The following PTPRA variants were observed in gnomAD, a reference collection of about 807,000 sequenced individuals.
PTPRA encodes protein tyrosine phosphatase receptor type A, also known as receptor-type tyrosine-protein phosphatase alpha.
PTPRA carries 25 observed loss-of-function variants against 104.8 expected under a neutral mutation model. The ratio of observed to expected loss-of-function variants is 0.24; its 90% CI spans 0.17 to 0.33. PTPRA has a LOEUF of 0.33. PTPRA is among the 10% of genes least tolerant of loss of function. The probability of loss-of-function intolerance (pLI) is 1.00; values close to 1 mark genes in which losing one functional copy is unlikely to be tolerated. For synonymous variants in PTPRA, 323 were observed against 368.9 expected (o/e 0.88, Z 1.43); for missense variants, 765 against 1,015.3 (o/e 0.75, Z 3.35).
intron 1 of PTPRA, among the ~76,000 whole-genome samples, chr20:2,885,220 T>C (rs1452338923): frequency 6.6e-6 from 1 of 152,202 alleles, no homozygotes. Flanking sequence ...TTGTTTTTTT[T>C]AACTGTAGCC....
At chr20:3,023,392 A>G (rs918501826) in intron 16 of PTPRA, among the ~76,000 whole-genome samples, 11 of 152,166 alleles carry the variant, frequency 7.2e-5, no homozygotes, top group African/African-American at 2.7e-4. Context: ...GATAAGAGGA[A>G]GGCATCTGTC....
chr20:3,015,812 T>C (rs774910444), intron 11 of PTPRA, 37 bp from the exon 12 acceptor site: 1 of 1,512,006 alleles, frequency 6.6e-7, no homozygotes, highest in South Asian at 1.1e-5. Flanking sequence ...TCATTTTTGG[T>C]TTTCTCTTTC....
chr20:2,954,724 T>C (rs912412643), intron 3 of PTPRA, among the ~76,000 whole-genome samples: 1 of 152,200 alleles, frequency 6.6e-6, no homozygotes, highest in African/African-American at 2.4e-5. Context: ...AGTCTGTGTT[T>C]TGTTTTGTTG....
At position 2,910,920 on chromosome 20, in the gene PTPRA, C is replaced by CTTT. The variant is rs11473733; in HGVS notation, c.-128-12273_-128-12271dup. ...GCACCCGGCCTACTTTTTATTTTAA[C>CTTT]TTTTTTTTTTTTTTTTGTAGAGATG... is the stretch of plus-strand genomic sequence containing the variant. On this transcript the variant is annotated intron_variant, in intron 1 of 23. Transcript: ENST00000399903. 1.8e-3 allele frequency among the ~76,000 whole-genome samples: 240 copies of CTTT among 131,202 alleles called. 5 individuals carry two copies. In the Middle Eastern group the frequency reaches 0.025, roughly 14 times the overall value. The allele number at this position is 131,202 out of a possible 152,430, so 86.1% of individuals were successfully genotyped here.
intron 5 of PTPRA, among the ~76,000 whole-genome samples, chr20:2,966,142 C>T (rs1279715149): frequency 6.6e-6 from 1 of 152,184 alleles, no homozygotes; most frequent in Admixed American, 6.5e-5. Flanking sequence ...TTTACTGCGC[C>T]TTATAACTCA....
chr20:2,958,664 A>T, intron 3 of PTPRA, among the ~76,000 whole-genome samples: 1 of 101,868 alleles, frequency 9.8e-6, no homozygotes, highest in East Asian at 2.3e-4. Flanking sequence ...CTACTAAAAA[A>T]AAAAAAAAAA....
At chr20:2,909,576 T>C (rs2147189409) in intron 1 of PTPRA, among the ~76,000 whole-genome samples, 1 of 151,252 alleles carries the variant, frequency 6.6e-6, no homozygotes. Flanking sequence ...TGAGACTCCA[T>C]CTCCAAAAAA....
intron 3 of PTPRA, among the ~76,000 whole-genome samples, chr20:2,948,707 T>TGTG (rs1185889232): frequency 2.6e-4 from 39 of 151,982 alleles, no homozygotes; most frequent in Middle Eastern, 3.5e-3. Flanking sequence ...ATCCCAGCAC[T>TGTG]TTGGGAGGCC....
In PTPRA at chr20:2,973,298, A is replaced by G. The variant is rs538206741; in HGVS notation, c.416-1917A>G. On this transcript the variant is annotated intron_variant, in intron 5 of 23. Transcript: ENST00000399903. ...TTTAGATTTATTTTGTTCTTTTTCT[A>G]TCTTCTTGAATTGAGTGTGCTTTAA... Among the ~76,000 whole-genome samples the G allele has an allele frequency of 1.5e-4, 23 of 151,390 alleles. No individual in the cohort carries two copies. In the South Asian group the frequency reaches 2.9e-3, roughly 19 times the overall value.
At chr20:3,026,972 G>A in intron 18 of PTPRA, 149 bp from the exon 19 acceptor site, 1 of 1,016,906 alleles carries the variant, frequency 9.8e-7, no homozygotes, top group Non-Finnish European at 1.5e-6. Context: ...TAACGTAAAA[G>A]CCAAAGGCTT....
rs140160115 is a variant in PTPRA, at chr20:3,029,977, G to C, written c.1920+2136G>C. Among the ~76,000 whole-genome samples, 988 of 152,222 alleles carry C rather than the reference G, an allele frequency of 6.5e-3. 7 individuals carry two copies. The highest frequency in any genetic ancestry group is 0.027 in the Middle Eastern group (8 of 294). On this transcript the variant is annotated intron_variant, in intron 20 of 23. Transcript: ENST00000399903. ...CAGGAGCTAGGTGCCTGTTCCTGCC[G>C]TCTCTGATCAGTCGTGATGGAACCT...
intron 5 of PTPRA, among the ~76,000 whole-genome samples, chr20:2,970,862 CA>C (rs2062155601): frequency 1.3e-5 from 2 of 151,940 alleles, no homozygotes; most frequent in South Asian, 4.1e-4. Flanking sequence ...TATTCTGATG[CA>C]GAGTGAGCTA....
intron 1 of PTPRA, among the ~76,000 whole-genome samples, chr20:2,898,880 C>T (rs1419189256): frequency 2.0e-5 from 3 of 152,120 alleles, no homozygotes; most frequent in Non-Finnish European, 4.4e-5. Context: ...TTTCTGGGCT[C>T]ATCTTTACTT....
At chr20:2,878,596 T>G (rs1269326251) in intron 1 of PTPRA, among the ~76,000 whole-genome samples, 5 of 152,208 alleles carry the variant, frequency 3.3e-5, no homozygotes, top group African/African-American at 1.2e-4. Flanking sequence ...TACCCCTTGT[T>G]CAAATACTTC....
intron 1 of PTPRA, among the ~76,000 whole-genome samples, chr20:2,904,517 A>G (rs894777973): frequency 6.6e-6 from 1 of 151,954 alleles, no homozygotes; most frequent in African/African-American, 2.4e-5. Flanking sequence ...AAAATACAAA[A>G]AATTAGCCGG....
At chr20:2,916,862 A>G (rs1405670314) in intron 1 of PTPRA, among the ~76,000 whole-genome samples, 1 of 152,062 alleles carries the variant, frequency 6.6e-6, no homozygotes, top group Non-Finnish European at 1.5e-5. Flanking sequence ...ATCAGGAAGT[A>G]TGAGTTCTCC....
chr20:2,974,727 T>C (rs935896820), intron 5 of PTPRA, among the ~76,000 whole-genome samples: 2 of 152,230 alleles, frequency 1.3e-5, no homozygotes, highest in African/African-American at 4.8e-5. Context: ...TTTTCTTACT[T>C]TGTCAATTTC....
intron 1 of PTPRA, among the ~76,000 whole-genome samples, chr20:2,917,291 G>A (rs2059939368): frequency 1.3e-5 from 2 of 151,932 alleles, no homozygotes; most frequent in African/African-American, 4.8e-5. Flanking sequence ...GACATAAGAT[G>A]TCTTTCCATT....
intron 20 of PTPRA, among the ~76,000 whole-genome samples, chr20:3,028,898 G>T (rs2065276591): frequency 6.6e-6 from 1 of 152,182 alleles, no homozygotes; most frequent in Non-Finnish European, 1.5e-5. Flanking sequence ...CCTGGACTCG[G>T]GTGGTGAGAG....
Sources: allele counts gnomAD v4.1 joint callset (sites outside exome capture counted in the v4.1 genomes callset), GRCh38; gene constraint gnomAD v4.1.1; transcripts MANE v1.5; gene names NCBI Gene and HGNC (gene_info 2026-07-23, HGNC 2026-07-21).